Variants in TNFRSF21 observed in about 807,000 individuals in gnomAD.
TNFRSF21 encodes tumor necrosis factor receptor superfamily member 21.
In TNFRSF21, 19 loss-of-function variants were observed where a neutral mutation model predicts 45.6. The ratio of observed to expected loss-of-function variants is 0.42; its 90% CI spans 0.29 to 0.61. The LOEUF is 0.61. Ranked by LOEUF, TNFRSF21 falls within the 20% of genes least tolerant of loss-of-function variation. The pLI is 0.23. For missense variants in TNFRSF21, 737 were observed against 851.5 expected (o/e 0.87, Z 1.67); for synonymous variants, 314 against 335.5 (o/e 0.94, Z 0.70).
chr6:47,294,677 A>C lies in TNFRSF21; in HGVS notation c.97-8082T>G, dbSNP rs1018429793. Among the ~76,000 whole-genome samples, 5 of 144,736 alleles carry C rather than the reference A, an allele frequency of 3.5e-5. No individual in the cohort carries two copies. The Admixed American group carries it at 3.5e-4, about 10-fold the overall frequency. 95.0% of individuals were successfully genotyped at this position (144,736 alleles called of 152,430 possible). On this transcript the variant is annotated intron_variant, in intron 1 of 5. Transcript: ENST00000296861. ...AAGCAAATGTATCAAAGAGTTAAAA[A>C]ATTCCCTCCTCATTTCTTTCTTTTT...
intron 4 of TNFRSF21, among the ~76,000 whole-genome samples, chr6:47,239,261 G>T (rs1383697502): frequency 7.2e-6 from 1 of 139,540 alleles, no homozygotes; most frequent in African/African-American, 2.7e-5. Flanking sequence ...ACTCCAGCCT[G>T]GGCAACAGAG....
At chr6:47,292,506 T>C (rs930464839) in intron 1 of TNFRSF21, among the ~76,000 whole-genome samples, 2 of 152,204 alleles carry the variant, frequency 1.3e-5, no homozygotes, top group African/African-American at 2.4e-5. Context: ...CTGATGCCCA[T>C]CCAAGTTTTG....
At chr6:47,303,859 C>G (rs1163720143) in intron 1 of TNFRSF21, among the ~76,000 whole-genome samples, 1 of 152,202 alleles carries the variant, frequency 6.6e-6, no homozygotes, top group Non-Finnish European at 1.5e-5. Flanking sequence ...CGCCCCTATC[C>G]TAAATAATCA....
At chr6:47,279,108 A>G (rs994065914) in intron 3 of TNFRSF21, among the ~76,000 whole-genome samples, 1 of 152,174 alleles carries the variant, frequency 6.6e-6, no homozygotes, top group East Asian at 1.9e-4. Flanking sequence ...TTCTTCATCC[A>G]TAAGTACTTT....
chr6:47,282,384 CAAAAAAAAAATA>C (rs1329880615), intron 3 of TNFRSF21, among the ~76,000 whole-genome samples: 3,075 of 86,774 alleles, frequency 0.035, 134 homozygotes, highest in African/African-American at 0.13. Flanking sequence ...AATTCTGTCT[CAAAAAAAAAATA>C]AAAAAAAAAA....
intron 1 of TNFRSF21, among the ~76,000 whole-genome samples, chr6:47,286,882 C>T (rs1194515142): frequency 6.6e-6 from 1 of 152,132 alleles, no homozygotes; most frequent in Non-Finnish European, 1.5e-5. Context: ...ACTGACAATG[C>T]ATCTCAAATT....
chr6:47,300,272 T>C (rs1762846412), intron 1 of TNFRSF21, among the ~76,000 whole-genome samples: 1 of 152,274 alleles, frequency 6.6e-6, no homozygotes, highest in East Asian at 1.9e-4. Context: ...CAGACCACCA[T>C]AGACTGCTCA....
chr6:47,256,242 T>C (rs982071183), intron 3 of TNFRSF21, among the ~76,000 whole-genome samples: 1 of 152,136 alleles, frequency 6.6e-6, no homozygotes, highest in Non-Finnish European at 1.5e-5. Context: ...AAAAGTAGAA[T>C]GGATGGGCAG....
rs1764597482 is a variant in TNFRSF21, at chr6:47,232,497, T to C, written c.*268A>G. On this transcript the variant is annotated 3_prime_UTR_variant, in exon 6 of 6. Transcript: ENST00000296861. ...AAATATGGAACTTAAAAAACTTTAG[T>C]GGTGGGTATTTCACAACAGTTACAC... is the stretch of plus-strand genomic sequence containing the variant. 2.6e-6 allele frequency: 1 copy of C among 379,318 alleles called. No homozygotes were observed. Among genetic ancestry groups the C allele is most frequent in the Non-Finnish European group, 4.7e-6 (1 of 212,912 alleles). 23.5% of individuals were successfully genotyped at this position (379,318 alleles called of 1,614,324 possible).
intron 1 of TNFRSF21, among the ~76,000 whole-genome samples, chr6:47,304,733 C>T (rs757682487): frequency 2.0e-5 from 3 of 152,140 alleles, no homozygotes; most frequent in Non-Finnish European, 4.4e-5. Flanking sequence ...TAAGGTAGTC[C>T]TTAAATCCCA....
chr6:47,296,421 C>T (rs1481342418), intron 1 of TNFRSF21, among the ~76,000 whole-genome samples: 1 of 152,094 alleles, frequency 6.6e-6, no homozygotes, highest in African/African-American at 2.4e-5. Context: ...GTGCACAATT[C>T]CTAAAACCTT....
In TNFRSF21 at chr6:47,273,976, C is replaced by T. The variant is rs560023262; in HGVS notation, c.1243+9962G>A. Among the ~76,000 whole-genome samples the T allele has an allele frequency of 4.3e-3, 650 of 152,044 alleles. 2 individuals carry two copies. The highest frequency in any genetic ancestry group is 0.014 in the African/African-American group (601 of 41,502). ...AAGGAGAACTACAAACACTGCTCAA[C>T]GAAATAAGAGGACACAAATAACTGG... On this transcript the variant is annotated intron_variant, in intron 3 of 5. Coordinates refer to ENST00000296861, the MANE Select transcript of TNFRSF21 (RefSeq NM_014452.5).
At chr6:47,263,762 C>CT (rs1762283072) in intron 3 of TNFRSF21, among the ~76,000 whole-genome samples, 1 of 152,190 alleles carries the variant, frequency 6.6e-6, no homozygotes, top group African/African-American at 2.4e-5. Flanking sequence ...AATTCTAAGA[C>CT]ACCTGAATGT....
intron 3 of TNFRSF21, among the ~76,000 whole-genome samples, chr6:47,280,400 A>G (rs1762550703): frequency 6.6e-6 from 1 of 152,226 alleles, no homozygotes. Flanking sequence ...TAGCTTTACT[A>G]AACAGAACCT....
intron 1 of TNFRSF21, among the ~76,000 whole-genome samples, chr6:47,305,637 C>T (rs1402525892): frequency 6.6e-6 from 1 of 152,174 alleles, no homozygotes; most frequent in East Asian, 1.9e-4. Flanking sequence ...GGAGGTAGCA[C>T]TAAGCTACAT....
At chr6:47,289,129 A>G in intron 1 of TNFRSF21, among the ~76,000 whole-genome samples, 1 of 152,226 alleles carries the variant, frequency 6.6e-6, no homozygotes, top group East Asian at 1.9e-4. Context: ...TCCTTTATGA[A>G]ATGCACAAAG....
At chr6:47,249,922 G>A (rs1172602878) in intron 4 of TNFRSF21, among the ~76,000 whole-genome samples, 2 of 151,808 alleles carry the variant, frequency 1.3e-5, no homozygotes, top group Admixed American at 1.3e-4. Flanking sequence ...TATTCCAAGA[G>A]AAAGCAAGAA....
chr6:47,278,427 G>A (rs2113861104), intron 3 of TNFRSF21, among the ~76,000 whole-genome samples: 1 of 152,318 alleles, frequency 6.6e-6, no homozygotes, highest in Non-Finnish European at 1.5e-5. Flanking sequence ...GTAACCACAA[G>A]CTATGTGCGG....
At chr6:47,282,189 C>T (rs1286047868) in intron 3 of TNFRSF21, among the ~76,000 whole-genome samples, 1 of 152,056 alleles carries the variant, frequency 6.6e-6, no homozygotes, top group Non-Finnish European at 1.5e-5. Context: ...AGTTCAAGAC[C>T]AGCCTGACCA....
Sources: gnomAD v4.1 joint callset for allele counts (sites outside exome capture counted in the v4.1 genomes callset) on GRCh38, gnomAD v4.1.1 for gene constraint, MANE v1.5 for transcripts, NCBI Gene and HGNC (gene_info 2026-07-23, HGNC 2026-07-21) for gene names.